The following TMC7 variants were observed in gnomAD, a reference collection of about 807,000 sequenced individuals.
TMC7 encodes the protein transmembrane channel like 7.
In TMC7, 54 loss-of-function variants were observed where a neutral mutation model predicts 82.9. That is an observed-to-expected ratio of 0.65 (90% CI 0.52 to 0.82). The LOEUF is 0.82. TMC7 is among the 40% of genes least tolerant of loss of function. TMC7 has a pLI of 0.00. For missense variants in TMC7, 820 were observed against 901.2 expected (o/e 0.91, Z 1.15); for synonymous variants, 350 against 337.9 (o/e 1.04, Z -0.39).
At chr16:18,996,360 A>G (rs1283799521) in intron 1 of TMC7, among the ~76,000 whole-genome samples, 3 of 152,152 alleles carry the variant, frequency 2.0e-5, no homozygotes, top group African/African-American at 7.2e-5. Context: ...GCAATGTGTA[A>G]AAGAATGCCT....
chr16:19,030,387 A>G lies in TMC7; in HGVS notation c.857+18A>G, dbSNP rs770230228. 3 of 1,601,270 alleles carry G rather than the reference A, an allele frequency of 1.9e-6. No homozygotes were observed. The highest frequency in any genetic ancestry group is 2.6e-6 in the Non-Finnish European group (3 of 1,174,652). ...GTGAAAAGGTAAAGTCTGCCTTTGC[A>G]TTCTCTCTGAATTACCCCTGATGGC... On this transcript the variant is annotated intron_variant, in intron 6 of 15. Transcript: ENST00000304381.
intron 5 of TMC7, 142 bp downstream of exon 5, chr16:19,023,337 T>C: frequency 2.0e-6 from 1 of 501,804 alleles, no homozygotes; most frequent in Non-Finnish European, 3.6e-6. Flanking sequence ...AAACAGGATT[T>C]GCAGTTACCT....
At chr16:19,027,201 C>G (rs8052467) in intron 5 of TMC7, among the ~76,000 whole-genome samples, 1 of 149,242 alleles carries the variant, frequency 6.7e-6, no homozygotes, top group East Asian at 2.0e-4. Flanking sequence ...TCCCAAGTAG[C>G]TGGATTACAG....
At chr16:19,040,563 C>A (rs1433272098) in intron 9 of TMC7, 117 bp downstream of exon 9, 2 of 871,562 alleles carry the variant, frequency 2.3e-6, no homozygotes, top group East Asian at 4.9e-5. Flanking sequence ...AGCCAAGAGT[C>A]CTCCTCAACC....
intron 9 of TMC7, among the ~76,000 whole-genome samples, chr16:19,042,535 T>C: frequency 1.3e-5 from 2 of 149,342 alleles, no homozygotes; most frequent in East Asian, 2.0e-4. Flanking sequence ...TGAGACGGAG[T>C]CTCACTTTGT....
Position 19,051,702 on chromosome 16 carries a change from C to T in TMC7, c.1757C>T (p.Thr586Ile). The T allele has an allele frequency of 1.9e-6, 3 of 1,613,986 alleles. No individual in the cohort carries two copies. The highest frequency in any genetic ancestry group is 2.5e-6 in the Non-Finnish European group (3 of 1,179,996). Residue 586 changes from threonine (T) to isoleucine (I), a missense_variant, in exon 13 of 16, where the codon ACC becomes ATC. Transcript: ENST00000304381. ...TCCTTGTAGTGGAGTCTGCTTTACACCTGCAGACCCTCCCCCAGGCCGTTC... is the reference window on the plus strand; with the variant it reads ...TCCTTGTAGTGGAGTCTGCTTTACATCTGCAGACCCTCCCCCAGGCCGTTC... ...FYVKEWSLLY[T>I]CRPSPRPFRA...
At chr16:19,024,715 A>G (rs1003663981) in intron 5 of TMC7, among the ~76,000 whole-genome samples, 3 of 152,018 alleles carry the variant, frequency 2.0e-5, no homozygotes, top group African/African-American at 7.2e-5. Flanking sequence ...GCTAAAAGCA[A>G]TGAGATTTTG....
intron 12 of TMC7, among the ~76,000 whole-genome samples, chr16:19,048,322 C>T (rs553691066): frequency 3.3e-5 from 5 of 152,034 alleles, no homozygotes; most frequent in Non-Finnish European, 5.9e-5. Flanking sequence ...AGACCCTGGG[C>T]GGTTCACAGT....
chr16:19,022,789 G>A (rs995550780), intron 4 of TMC7, among the ~76,000 whole-genome samples: 1 of 152,210 alleles, frequency 6.6e-6, no homozygotes, highest in Non-Finnish European at 1.5e-5. Flanking sequence ...AGCACTTTGG[G>A]AGGCTGAGGT....
intron 1 of TMC7, among the ~76,000 whole-genome samples, chr16:19,003,718 A>G (rs898877153): frequency 4.1e-5 from 4 of 97,204 alleles, no homozygotes; most frequent in Non-Finnish European, 8.2e-5. Flanking sequence ...GATCCTGTTG[A>G]TCTGTGACCT....
intron 6 of TMC7, among the ~76,000 whole-genome samples, chr16:19,032,698 G>A (rs1960571554): frequency 6.6e-6 from 1 of 152,096 alleles, no homozygotes; most frequent in Admixed American, 6.6e-5. Flanking sequence ...CATGATCTTG[G>A]TTCACTGCAA....
At chr16:19,025,378 A>G (rs116456274) in intron 5 of TMC7, among the ~76,000 whole-genome samples, 1,829 of 152,222 alleles carry the variant, frequency 0.012, 44 homozygotes, top group African/African-American at 0.042. Flanking sequence ...AGCACTTCAG[A>G]GAGGCCAAGG....
intron 12 of TMC7, among the ~76,000 whole-genome samples, chr16:19,051,105 A>G (rs1206610179): frequency 1.3e-5 from 2 of 152,048 alleles, no homozygotes; most frequent in African/African-American, 4.8e-5. Context: ...CGTGTTATCA[A>G]TGACTGTAGC....
Position 19,038,005 on chromosome 16 carries a change from A to G in TMC7, c.1137A>G (p.Ala379=). The G allele has an allele frequency of 2.5e-6, 4 of 1,614,058 alleles. No individual in the cohort carries two copies. Among genetic ancestry groups the G allele is most frequent in the Non-Finnish European group, 1.7e-6 (2 of 1,179,998 alleles). ...VLAVLGACFY[A]IYVATVFSQE... The stretch of plus-strand genomic sequence containing the variant: ...CTGTTTTAGGGGCATGCTTTTATGC[A>G]ATATACGTAGCAACTGTCTTCTCGC... Residue 379 remains alanine, a synonymous_variant, in exon 8 of 16, where the codon GCA becomes GCG. Coordinates refer to ENST00000304381, the MANE Select transcript of TMC7 (RefSeq NM_024847.4).
intron 1 of TMC7, among the ~76,000 whole-genome samples, chr16:18,994,892 G>A (rs568773594): frequency 2.6e-5 from 4 of 152,218 alleles, no homozygotes; most frequent in Admixed American, 6.5e-5. Context: ...GGCATTGAGC[G>A]GGGTAAGGGT....
At chr16:19,045,891 C>T (rs964903916) in intron 11 of TMC7, among the ~76,000 whole-genome samples, 6 of 151,844 alleles carry the variant, frequency 4.0e-5, no homozygotes, top group Admixed American at 1.3e-4. Flanking sequence ...CCACCGCGCC[C>T]GGCCAAGTTT....
chr16:19,006,479 C>T (rs187409878), intron 1 of TMC7, among the ~76,000 whole-genome samples: 24 of 151,948 alleles, frequency 1.6e-4, no homozygotes, highest in Non-Finnish European at 1.8e-4. Context: ...CCACCGTGCC[C>T]GGCCCAGGGT....
At chr16:18,996,477 G>A (rs754246112) in intron 1 of TMC7, among the ~76,000 whole-genome samples, 3 of 152,188 alleles carry the variant, frequency 2.0e-5, no homozygotes, top group Admixed American at 2.0e-4. Context: ...TTATAGGATA[G>A]ACAGATCGAA....
rs750487192 is a variant in TMC7 at position 19,049,635 on chromosome 16, G to A, written c.1741-2051G>A. On this transcript the variant is annotated intron_variant, in intron 12 of 15. Coordinates refer to ENST00000304381, the MANE Select transcript of TMC7 (RefSeq NM_024847.4). Reference sequence around the variant, plus strand: ...GAAATACTGATTAGCCCGTGGCTTCGCAGTGTGTAGCATAGTACAGACACT... The same window carrying A: ...GAAATACTGATTAGCCCGTGGCTTCACAGTGTGTAGCATAGTACAGACACT... 2.7e-5 allele frequency: 27 copies of A among 985,152 alleles called. 1 individual carries two copies. In the Admixed American group the frequency reaches 3.7e-4, roughly 13 times the overall value. 61.0% of individuals were successfully genotyped at this position (985,152 alleles called of 1,614,324 possible). A position where few individuals can be genotyped will look rare whatever the true frequency, so the allele number is the denominator to read the frequency against.
Sources: gnomAD v4.1 joint callset for allele counts (sites outside exome capture counted in the v4.1 genomes callset) on GRCh38, gnomAD v4.1.1 for gene constraint, MANE v1.5 for transcripts, NCBI Gene and HGNC (gene_info 2026-07-23, HGNC 2026-07-21) for gene names.